Variants in URGCP observed in about 807,000 individuals in gnomAD.
The protein encoded by URGCP is upregulator of cell proliferation, also known as up-regulator of cell proliferation.
A neutral mutation model predicts 24.6 loss-of-function variants in URGCP; 13 were observed. That is an observed-to-expected ratio of 0.53 (90% CI 0.34 to 0.84). URGCP has a LOEUF of 0.84. URGCP is among the 40% of genes least tolerant of loss of function. The probability of loss-of-function intolerance (pLI) is 0.01; values close to 1 mark genes in which losing one functional copy is unlikely to be tolerated. For missense variants in URGCP, 899 were observed against 1,194.3 expected, an observed-to-expected ratio of 0.75 and a Z score of 3.64; for synonymous variants, 444 against 487.2, an observed-to-expected ratio of 0.91 and a Z score of 1.17.
chr7:43,904,209 C>T (rs758206785), intron 1 of URGCP, among the ~76,000 whole-genome samples: 1 of 152,254 alleles, frequency 6.6e-6, no homozygotes, highest in Non-Finnish European at 1.5e-5. Flanking sequence ...GAACTTGTCT[C>T]CACTTAGCTC....
intron 1 of URGCP, among the ~76,000 whole-genome samples, chr7:43,895,813 C>CAAAAAATAAAA: frequency 6.6e-6 from 1 of 152,178 alleles, no homozygotes; most frequent in South Asian, 2.1e-4. Flanking sequence ...ATAAAACTAG[C>CAAAAAATAAAA]ATGTGATTCA....
intron 1 of URGCP, among the ~76,000 whole-genome samples, chr7:43,901,755 C>G (rs1020142085): frequency 1.1e-4 from 16 of 152,194 alleles, no homozygotes; most frequent in African/African-American, 3.6e-4. Context: ...CCATTCAGAC[C>G]AGGCCGGGCC....
intron 1 of URGCP, among the ~76,000 whole-genome samples, chr7:43,918,040 G>A (rs1451528953): frequency 6.6e-6 from 1 of 152,046 alleles, no homozygotes; most frequent in African/African-American, 2.4e-5. Context: ...TTGGGAGGCT[G>A]AGGCAAGTGG....
At chr7:43,883,348 ATATATATATATATATTTTTT>A (rs1562575168) in intron 3 of URGCP, among the ~76,000 whole-genome samples, 18 of 95,824 alleles carry the variant, frequency 1.9e-4, no homozygotes, top group African/African-American at 1.2e-3. Context: ...ATATATATAT[ATATATATATATATATTTTTT>A]TTTTTTTTTT....
upstream of URGCP, among the ~76,000 whole-genome samples, chr7:43,911,337 G>T (rs1163416802): frequency 2.0e-5 from 3 of 152,046 alleles, no homozygotes; most frequent in Non-Finnish European, 4.4e-5. Flanking sequence ...GGAGGTGGAG[G>T]TTGCAGAGAG....
chr7:43,898,696 G>A (rs1462837285), intron 1 of URGCP, among the ~76,000 whole-genome samples: 6 of 151,792 alleles, frequency 4.0e-5, no homozygotes, highest in African/African-American at 1.5e-4. Flanking sequence ...AGGAGTTTGA[G>A]GCTGCAGTAC....
chr7:43,922,743 GA>G (rs201017805), intron 1 of URGCP, among the ~76,000 whole-genome samples: 110 of 151,794 alleles, frequency 7.2e-4, no homozygotes, highest in African/African-American at 2.5e-3. Context: ...TTTTGGTGAA[GA>G]AAAAAAATTT....
intron 1 of URGCP, among the ~76,000 whole-genome samples, chr7:43,913,754 A>G (rs1200719214): frequency 6.6e-6 from 1 of 152,086 alleles, no homozygotes; most frequent in African/African-American, 2.4e-5. Context: ...GCTGGAGTGC[A>G]GTGGCATGAT....
intron 1 of URGCP, chr7:43,889,587 C>T (rs1585804315): frequency 6.6e-6 from 1 of 152,216 alleles, no homozygotes; most frequent in African/African-American, 2.4e-5. Flanking sequence ...ATGTAAAATA[C>T]AAGAAAGTAT....
chr7:43,921,456 A>G (rs2095922370), intron 1 of URGCP, among the ~76,000 whole-genome samples: 1 of 152,260 alleles, frequency 6.6e-6, no homozygotes, highest in Non-Finnish European at 1.5e-5. Context: ...TTAATCCTTG[A>G]GAAATAAAAA....
chr7:43,906,878 ACCTGC>A (rs2095904462), upstream of URGCP: 1 of 220,852 alleles, frequency 4.5e-6, no homozygotes, highest in African/African-American at 2.3e-5. Flanking sequence ...CTGTAGGATA[ACCTGC>A]CCCAGGGCCT....
rs143926545 is a variant in URGCP, at chr7:43,898,091, G to C, written c.14+8471C>G. ...TAAAGGCAATCCTTCAACGCGTATA[G>C]GAGAGACCACTGTCGGCAACTTCCC... is the stretch of plus-strand genomic sequence containing the variant. On this transcript the variant is annotated intron_variant, in intron 1 of 5. Transcript: ENST00000453200. 1.8e-3 allele frequency among the ~76,000 whole-genome samples: 268 copies of C among 152,246 alleles called. 1 individual carries two copies. Among genetic ancestry groups the C allele is most frequent in the African/African-American group, 6.1e-3 (252 of 41,546 alleles).
chr7:43,892,577 A>G (rs899518535), intron 1 of URGCP, among the ~76,000 whole-genome samples: 5 of 152,284 alleles, frequency 3.3e-5, no homozygotes, highest in South Asian at 4.1e-4. Flanking sequence ...TCTTGTAAGA[A>G]TATCAGTCTT....
intron 1 of URGCP, among the ~76,000 whole-genome samples, chr7:43,897,151 C>T (rs1322666576): frequency 2.6e-5 from 4 of 151,728 alleles, no homozygotes; most frequent in Non-Finnish European, 4.4e-5. Context: ...TGCAGTGAGC[C>T]GTGATCCTGT....
chr7:43,887,277 A>G lies in URGCP; in HGVS notation c.112+138T>C, dbSNP rs369158712. The G allele has an allele frequency of 1.3e-4, 125 of 987,668 alleles. No individual in the cohort carries two copies. The Admixed American group carries it at 1.8e-3, about 14-fold the overall frequency. The allele number at this position is 987,668 out of a possible 1,614,324, so 61.2% of individuals were successfully genotyped here. On this transcript the variant is annotated intron_variant, in intron 3 of 5. Coordinates refer to ENST00000453200, the MANE Select transcript of URGCP (RefSeq NM_001077663.3). Reference sequence around the variant, plus strand: ...TAGATGGAATCTTCTTGTAAAAGGAAAAATAAAAGCCTTAAACTTATTTAT... The same window carrying G: ...TAGATGGAATCTTCTTGTAAAAGGAGAAATAAAAGCCTTAAACTTATTTAT...
chr7:43,906,977 T>C (rs1245390722), upstream of URGCP: 2 of 155,866 alleles, frequency 1.3e-5, no homozygotes, highest in African/African-American at 4.8e-5. Flanking sequence ...TAAGGCCTTA[T>C]TATTAAGCAA....
rs375438295 is a variant in URGCP at position 43,879,225 on chromosome 7, A to G, written c.238T>C (p.Leu80=). The change falls in exon 6 of 6, where the codon TTG becomes CTG. Residue 80 remains leucine (L), a synonymous_variant. Coordinates refer to ENST00000453200, the MANE Select transcript of URGCP (RefSeq NM_001077663.3). ...TGGACCTGGTACGTCTCTAGGCCCA[A>G]AAGTGACAGCATTTCTTGAAGCCTG... ...RSRLQEMLSL[L]GLETYQVQKL... 5 of 1,612,176 alleles carry G rather than the reference A, an allele frequency of 3.1e-6. No individual in the cohort carries two copies. The highest frequency in any genetic ancestry group is 4.2e-6 in the Non-Finnish European group (5 of 1,179,646).
chr7:43,879,116 C>G lies in URGCP; in HGVS notation c.347G>C (p.Trp116Ser), dbSNP rs1374690236. ...GGCCTGCAACTTCCTGAGGAAATTC[C>G]AGGGCAAGTCTTTGGGAACCTGAGG... ...WAPQVPKDLP[W>S]NFLRKLQALN... Residue 116 changes from tryptophan (W) to serine (S), a missense_variant, in exon 6 of 6, where the codon TGG (tryptophan) becomes TCG (serine). Physicochemically the swap from Trp to Ser is radical, Grantham distance 177. Transcript: ENST00000453200. 6.2e-7 allele frequency: 1 copy of G among 1,614,062 alleles called. No homozygotes were observed. Among genetic ancestry groups the G allele is most frequent in the Non-Finnish European group, 8.5e-7 (1 of 1,180,042 alleles).
intron 1 of URGCP, among the ~76,000 whole-genome samples, chr7:43,922,955 T>C (rs556280128): frequency 6.6e-6 from 1 of 151,652 alleles, no homozygotes; most frequent in Admixed American, 6.6e-5. Flanking sequence ...TCTCTCTTTC[T>C]CTCTCTTTCT....
Sources: allele counts gnomAD v4.1 joint callset (sites outside exome capture counted in the v4.1 genomes callset), GRCh38; gene constraint gnomAD v4.1.1; transcripts MANE v1.5; gene names NCBI Gene and HGNC (gene_info 2026-07-23, HGNC 2026-07-21).